B3GAT1: variants seen among roughly 807,000 people sequenced by gnomAD.
B3GAT1 encodes the protein beta-1,3-glucuronyltransferase 1, also known as galactosylgalactosylxylosylprotein 3-beta-glucuronosyltransferase 1.
In B3GAT1, 11 loss-of-function variants were observed where a neutral mutation model predicts 28.4. That is an observed-to-expected ratio of 0.39 (90% CI 0.24 to 0.64). The LOEUF (loss-of-function observed/expected upper bound fraction) is 0.64, where lower values mean the gene tolerates loss of function less well. Ranked by LOEUF, B3GAT1 falls within the 30% of genes least tolerant of loss-of-function variation. The pLI, the probability that B3GAT1 is intolerant of heterozygous loss-of-function variation, is 0.50. For missense variants in B3GAT1, 375 were observed against 491.0 expected, an observed-to-expected ratio of 0.76 and a Z score of 2.23; for synonymous variants, 255 against 223.1, an observed-to-expected ratio of 1.14 and a Z score of -1.27.
intron 2 of B3GAT1, chr11:134,385,739 G>T (rs1055578036): frequency 2.6e-5 from 4 of 152,198 alleles, no homozygotes. Flanking sequence ...ATTAGGGCAC[G>T]GCTACTGCGT....
At position 134,378,786 on chromosome 11, in the gene B3GAT1, T is replaced by A. The variant is rs536050417; in HGVS notation, c.*1976A>T. Reference sequence around the variant, plus strand: ...GGCTGCAGTCCACCAGGGTTATAATTATAAATAAATATACATGCAGCTAAA... The same window carrying A: ...GGCTGCAGTCCACCAGGGTTATAATAATAAATAAATATACATGCAGCTAAA... On this transcript the variant is annotated 3_prime_UTR_variant, in exon 6 of 6. Coordinates refer to ENST00000312527, the MANE Select transcript of B3GAT1 (RefSeq NM_054025.3). 6.6e-6 allele frequency: 1 copy of A among 152,326 alleles called. No individual in the cohort carries two copies. Among genetic ancestry groups the A allele is most frequent in the Admixed American group, 6.5e-5 (1 of 15,312 alleles). 9.4% of individuals were successfully genotyped at this position (152,326 alleles called of 1,614,324 possible). A position where few individuals can be genotyped will look rare whatever the true frequency, so the allele number is the denominator to read the frequency against.
intron 1 of B3GAT1, among the ~76,000 whole-genome samples, chr11:134,406,278 G>C (rs538132062): frequency 1.3e-5 from 2 of 152,360 alleles, no homozygotes; most frequent in Non-Finnish European, 2.9e-5. Flanking sequence ...AGCTAACCAT[G>C]CCTCCTTTGC....
Position 134,387,851 on chromosome 11 carries a change from G to A in B3GAT1, c.-192C>T, listed in dbSNP as rs1350566907. 2.3e-5 allele frequency: 35 copies of A among 1,528,220 alleles called. No homozygotes were observed. Among genetic ancestry groups the A allele is most frequent in the Middle Eastern group, 1.7e-4 (1 of 5,968 alleles). 94.7% of individuals were successfully genotyped at this position (1,528,220 alleles called of 1,614,324 possible). ...CCAGCACTCACAACCCACCCATTGC[G>A]GAAGCAGGTTTGGAGAGTCCGGCCC... On this transcript the variant is annotated 5_prime_UTR_variant, in exon 2 of 6. Coordinates refer to ENST00000312527, the MANE Select transcript of B3GAT1 (RefSeq NM_054025.3).
Position 134,380,108 on chromosome 11 carries a change from C to T in B3GAT1, c.*654G>A, listed in dbSNP as rs1409363327. On this transcript the variant is annotated 3_prime_UTR_variant, in exon 6 of 6. Coordinates refer to ENST00000312527, the MANE Select transcript of B3GAT1 (RefSeq NM_054025.3). The stretch of plus-strand genomic sequence containing the variant: ...GAGGTACAGGGGGTGCCTATTAGGC[C>T]CAGGCTCCCCCCATGCAGGGCTGGG... 1 of 152,432 alleles carries T rather than the reference C, an allele frequency of 6.6e-6. No homozygotes were observed. The highest frequency in any genetic ancestry group is 1.9e-4 in the East Asian group (1 of 5,178). The allele number at this position is 152,432 out of a possible 1,614,324, so 9.4% of individuals were successfully genotyped here.
At chr11:134,388,557 T>C (rs1944345803) in intron 1 of B3GAT1, 1 of 154,218 alleles carries the variant, frequency 6.5e-6, no homozygotes, top group Non-Finnish European at 1.4e-5. Flanking sequence ...TGGAGTATGA[T>C]GAATCCCGCT....
chr11:134,405,018 G>A (rs532879506), intron 1 of B3GAT1, among the ~76,000 whole-genome samples: 3 of 152,130 alleles, frequency 2.0e-5, no homozygotes, highest in African/African-American at 4.8e-5. Context: ...TGCCACGAGC[G>A]GCCGTCTCTC....
Position 134,379,425 on chromosome 11 carries a change from G to A in B3GAT1, c.*1337C>T. The A allele has an allele frequency of 6.6e-6, 1 of 152,618 alleles. No homozygotes were observed. The highest frequency in any genetic ancestry group is 1.9e-4 in the East Asian group (1 of 5,138). 9.5% of individuals were successfully genotyped at this position (152,618 alleles called of 1,614,324 possible). ...AGCCGGATCACCACTAGAGAGCCCG[G>A]CTGGGCCAGGGGGTCAGAGCCCTTT... On this transcript the variant is annotated 3_prime_UTR_variant, in exon 6 of 6. Coordinates refer to ENST00000312527, the MANE Select transcript of B3GAT1 (RefSeq NM_054025.3).
intron 1 of B3GAT1, among the ~76,000 whole-genome samples, chr11:134,396,350 G>A (rs56834090): frequency 0.045 from 6,869 of 152,180 alleles, 517 homozygotes; most frequent in African/African-American, 0.15. Context: ...TAGCTACTGA[G>A]GGTGACGGCA....
At chr11:134,407,186 T>C (rs1944750669) in intron 1 of B3GAT1, among the ~76,000 whole-genome samples, 1 of 152,174 alleles carries the variant, frequency 6.6e-6, no homozygotes, top group East Asian at 1.9e-4. Context: ...TCTAACAGTT[T>C]CTGAACAATG....
rs1311206710 is a variant in B3GAT1, at chr11:134,387,770, C to T, written c.-111G>A. On this transcript the variant is annotated 5_prime_UTR_variant, in exon 2 of 6. Transcript: ENST00000312527. Reference sequence around the variant, plus strand: ...AGGGGAGAAAAGAACAGGCATGGGCCGGGCCGGCCAGGCATGGAGAGGACA... The same window carrying T: ...AGGGGAGAAAAGAACAGGCATGGGCTGGGCCGGCCAGGCATGGAGAGGACA... 2.2e-5 allele frequency: 34 copies of T among 1,551,228 alleles called. No homozygotes were observed. Among genetic ancestry groups the T allele is most frequent in the Middle Eastern group, 3.3e-4 (2 of 6,012 alleles).
chr11:134,381,244 C>A (rs1005470997), intron 5 of B3GAT1, among the ~76,000 whole-genome samples: 2 of 152,238 alleles, frequency 1.3e-5, no homozygotes, highest in Non-Finnish European at 2.9e-5. Context: ...AACATCATTT[C>A]TTTGCTTCTG....
Position 134,380,491 on chromosome 11 carries a change from AGCTTG to A in B3GAT1, c.*266_*270del, listed in dbSNP as rs1944099557. The A allele has an allele frequency of 5.2e-5, 8 of 152,640 alleles. No individual in the cohort carries two copies. The highest frequency in any genetic ancestry group is 1.9e-4 in the African/African-American group (8 of 41,456). 9.5% of individuals were successfully genotyped at this position (152,640 alleles called of 1,614,324 possible). Reference sequence around the variant, plus strand: ...CTCTGGGGAGGTGCGCTGGAGCACCAGCTTGGCTGGTGCTGGACACCCCACCCTGG... The same window carrying A: ...CTCTGGGGAGGTGCGCTGGAGCACCAGCTGGTGCTGGACACCCCACCCTGG... On this transcript the variant is annotated 3_prime_UTR_variant, in exon 6 of 6. Transcript: ENST00000312527.
chr11:134,386,626 A>C (rs1158863127), intron 2 of B3GAT1: 4 of 152,184 alleles, frequency 2.6e-5, no homozygotes, highest in African/African-American at 9.7e-5. Flanking sequence ...TTTCCTACAC[A>C]GGAAAAGAAG....
At chr11:134,384,311 A>T in intron 2 of B3GAT1, 123 bp from the exon 3 acceptor site, 2 of 1,293,874 alleles carry the variant, frequency 1.5e-6, no homozygotes, top group Non-Finnish European at 1.0e-6. Context: ...GGCTGCTCAG[A>T]CCCCCGCCTT....
rs530033186 is a variant in B3GAT1, at chr11:134,396,800, C to T, written c.-281-8860G>A. ...CTTGCTGGAGGGCAGATGGAAGCCA[C>T]GGACCTGAAAGCCCCACGTCACCTC... is the stretch of plus-strand genomic sequence containing the variant. On this transcript the variant is annotated intron_variant, in intron 1 of 5. Transcript: ENST00000312527. Among the ~76,000 whole-genome samples, 804 of 152,254 alleles carry T rather than the reference C, an allele frequency of 5.3e-3. 9 individuals carry two copies. Among genetic ancestry groups the T allele is most frequent in the African/African-American group, 0.018 (759 of 41,546 alleles).
intron 1 of B3GAT1, among the ~76,000 whole-genome samples, chr11:134,410,273 G>A (rs1262787593): frequency 6.6e-6 from 1 of 152,168 alleles, no homozygotes; most frequent in South Asian, 2.1e-4. Context: ...TCAACACAGC[G>A]CCTGCAAGCT....
chr11:134,384,310 G>A, intron 2 of B3GAT1, 122 bp from the exon 3 acceptor site: 1 of 1,301,480 alleles, frequency 7.7e-7, no homozygotes, highest in Non-Finnish European at 1.0e-6. Context: ...GGGCTGCTCA[G>A]ACCCCCGCCT....
chr11:134,406,521 C>T (rs1450951183), intron 1 of B3GAT1, among the ~76,000 whole-genome samples: 1 of 72,404 alleles, frequency 1.4e-5, no homozygotes, highest in Non-Finnish European at 2.4e-5. Context: ...CAGAGGTAGC[C>T]AGGACTTGTG....
In B3GAT1 at chr11:134,393,778, G is replaced by A. The variant is rs1944454670; in HGVS notation, c.-281-5838C>T. Among the ~76,000 whole-genome samples, 1 of 152,156 alleles carries A rather than the reference G, an allele frequency of 6.6e-6. No individual in the cohort carries two copies. Among genetic ancestry groups the A allele is most frequent in the South Asian group, 2.1e-4 (1 of 4,832 alleles). Reference sequence around the variant, plus strand: ...GAGCCCCAGGCATCACACGGCGCCGGTCAGTGTGCTGTGCGGACCGGGTGC... The same window carrying A: ...GAGCCCCAGGCATCACACGGCGCCGATCAGTGTGCTGTGCGGACCGGGTGC... On this transcript the variant is annotated intron_variant, in intron 1 of 5. Coordinates refer to ENST00000312527, the MANE Select transcript of B3GAT1 (RefSeq NM_054025.3). The surrounding 1 kb of genome is among the most constrained non-coding windows in gnomAD (Gnocchi z 4.0).
Sources: gnomAD v4.1 joint callset for allele counts (sites outside exome capture counted in the v4.1 genomes callset) on GRCh38, gnomAD v4.1.1 for gene constraint, Gnocchi (gnomAD v3.1) non-coding constraint, MANE v1.5 for transcripts, NCBI Gene and HGNC (gene_info 2026-07-23, HGNC 2026-07-21) for gene names.